The following HIKESHI variants were observed in gnomAD, a reference collection of about 807,000 sequenced individuals.
HIKESHI encodes protein Hikeshi.
HIKESHI carries 13 observed loss-of-function variants against 25.7 expected under a neutral mutation model. That is an observed-to-expected ratio of 0.51 (90% CI 0.33 to 0.80). The LOEUF (loss-of-function observed/expected upper bound fraction) is 0.80. Among genes scored for constraint, HIKESHI ranks in the 30% least tolerant of loss-of-function variants. The probability of loss-of-function intolerance (pLI) is 0.02; values close to 1 mark genes in which losing one functional copy is unlikely to be tolerated. For missense variants in HIKESHI, 174 were observed against 229.5 expected (o/e 0.76, Z 1.56); for synonymous variants, 76 against 78.7 (o/e 0.97, Z 0.18).
In HIKESHI at chr11:86,306,310, T is replaced by C. The variant is rs753818305; in HGVS notation, c.96T>C (p.Ser32=). The C allele has an allele frequency of 6.2e-7, 1 of 1,614,142 alleles. No homozygotes were observed. The highest frequency in any genetic ancestry group is 8.5e-7 in the Non-Finnish European group (1 of 1,180,002). ...KFVFDLPDYE[S]INHVVVFMLG... ...TTTTTGACTTACCTGATTATGAAAG[T>C]ATCAACCATGTTGTGGTTTTTATGC... Residue 32 remains serine (S), a synonymous_variant, in exon 2 of 5, where the codon AGT becomes AGC. Coordinates refer to ENST00000278483, the MANE Select transcript of HIKESHI (RefSeq NM_016401.4).
intron 2 of HIKESHI, among the ~76,000 whole-genome samples, chr11:86,312,298 C>T (rs959608098): frequency 1.2e-4 from 19 of 152,052 alleles, no homozygotes; most frequent in Non-Finnish European, 2.1e-4. Context: ...TGTATTGATC[C>T]CTTTACCATT....
At position 86,345,046 on chromosome 11, in the gene HIKESHI, A is replaced by G. The variant is rs923314768; in HGVS notation, c.539+325A>G. 3.3e-5 allele frequency: 28 copies of G among 848,848 alleles called. No individual in the cohort carries two copies. In the Admixed American group the frequency reaches 1.3e-3, roughly 38 times the overall value. The allele number at this position is 848,848 out of a possible 1,614,324, so 52.6% of individuals were successfully genotyped here. ...GAGAGTAGTTTATACTGCACTGTGT[A>G]CATGAATGGCTAATGAATCTATTTT... is the stretch of plus-strand genomic sequence containing the variant. On this transcript the variant is annotated intron_variant, in intron 4 of 4. Transcript: ENST00000278483.
chr11:86,337,542 T>G lies in HIKESHI; in HGVS notation c.420+12T>G. The G allele has an allele frequency of 6.2e-7, 1 of 1,608,070 alleles. No homozygotes were observed. Among genetic ancestry groups the G allele is most frequent in the Non-Finnish European group, 8.5e-7 (1 of 1,177,704 alleles). The stretch of plus-strand genomic sequence containing the variant: ...ACTCATTCACTCAGGTAATGCAACA[T>G]ACATTTCATTCTTTACCTCCCCCTC... On this transcript the variant is annotated intron_variant, in intron 3 of 4. Coordinates refer to ENST00000278483, the MANE Select transcript of HIKESHI (RefSeq NM_016401.4).
chr11:86,335,553 TA>T (rs1046530058), intron 2 of HIKESHI, among the ~76,000 whole-genome samples: 10 of 152,140 alleles, frequency 6.6e-5, no homozygotes, highest in African/African-American at 2.4e-4. Flanking sequence ...AAGTGAAGAC[TA>T]AGGTGGAGTT....
chr11:86,342,760 C>T (rs932257697), intron 3 of HIKESHI, among the ~76,000 whole-genome samples: 1 of 148,760 alleles, frequency 6.7e-6, no homozygotes, highest in Non-Finnish European at 1.5e-5. Context: ...GCATCTTTGT[C>T]ATATATGCTT....
chr11:86,331,048 C>T (rs1947409090), intron 2 of HIKESHI, among the ~76,000 whole-genome samples: 1 of 152,122 alleles, frequency 6.6e-6, no homozygotes, highest in Non-Finnish European at 1.5e-5. Flanking sequence ...GGAGATAATA[C>T]CTGCAGTGCA....
intron 2 of HIKESHI, among the ~76,000 whole-genome samples, chr11:86,308,265 A>AAATATAT (rs1946727367): frequency 1.2e-5 from 1 of 84,118 alleles, no homozygotes; most frequent in East Asian, 3.5e-4. Flanking sequence ...TACATATAAA[A>AAATATAT]TGTGTATTAT....
At chr11:86,341,735 G>C (rs944287945) in intron 3 of HIKESHI, among the ~76,000 whole-genome samples, 2 of 151,888 alleles carry the variant, frequency 1.3e-5, no homozygotes, top group African/African-American at 4.8e-5. Flanking sequence ...CTATTCTCTG[G>C]ACCTATTGTA....
rs1443735937 is a variant in HIKESHI, at chr11:86,306,373, T to C, written c.159T>C (p.Ser53=). Residue 53 remains serine (S), a synonymous_variant, in exon 2 of 5, where the codon TCT becomes TCC. Coordinates refer to ENST00000278483, the MANE Select transcript of HIKESHI (RefSeq NM_016401.4). ...TIPFPEGMGG[S]VYFSYPDSNG... is the part of the protein sequence containing the mutation. ...CATTTCCTGAGGGAATGGGAGGATC[T>C]GTCTACTTTTCTTATCCTGATTCAA... is the stretch of plus-strand genomic sequence containing the variant. 3 of 1,613,804 alleles carry C rather than the reference T, an allele frequency of 1.9e-6. No homozygotes were observed. In the East Asian group the frequency reaches 6.7e-5, roughly 36 times the overall value.
At chr11:86,316,676 A>G (rs1946987838) in intron 2 of HIKESHI, among the ~76,000 whole-genome samples, 1 of 151,806 alleles carries the variant, frequency 6.6e-6, no homozygotes. Context: ...TAAACTTACC[A>G]GAGAAAACAG....
chr11:86,337,687 T>C (rs139306271), intron 3 of HIKESHI, among the ~76,000 whole-genome samples, 157 bp downstream of exon 3: 4,951 of 152,316 alleles, frequency 0.033, 260 homozygotes, highest in African/African-American at 0.11. Context: ...AGATGGAGTC[T>C]TGCTCTGTTG....
At chr11:86,308,326 ACATATAAAATATATAT>A (rs1330432162) in intron 2 of HIKESHI, among the ~76,000 whole-genome samples, 8 of 68,488 alleles carry the variant, frequency 1.2e-4, no homozygotes, top group South Asian at 5.1e-4. Flanking sequence ...AATATATATT[ACATATAAAATATATAT>A]TATATAAAAT....
At chr11:86,338,184 C>T (rs1168087247) in intron 3 of HIKESHI, among the ~76,000 whole-genome samples, 1 of 152,138 alleles carries the variant, frequency 6.6e-6, no homozygotes, top group African/African-American at 2.4e-5. Flanking sequence ...TTCCCTTCCC[C>T]TCCACTCTTC....
chr11:86,344,071 A>G (rs2138437269), intron 3 of HIKESHI: 1 of 152,344 alleles, frequency 6.6e-6, no homozygotes, highest in African/African-American at 2.4e-5. Context: ...CAATGGAAAT[A>G]ACCAGTTGCT....
chr11:86,337,369 T>C lies in HIKESHI; in HGVS notation c.269-10T>C, dbSNP rs1479145349. The C allele has an allele frequency of 6.2e-7, 1 of 1,609,988 alleles. No homozygotes were observed. Among genetic ancestry groups the C allele is most frequent in the Admixed American group, 1.7e-5 (1 of 59,162 alleles). ...ATTTGAAATGTGTGTCATATGTTAATTTCTTGCAGGAGAAGGAAGCCAACA... is the reference window on the plus strand; with the variant it reads ...ATTTGAAATGTGTGTCATATGTTAACTTCTTGCAGGAGAAGGAAGCCAACA... On this transcript the variant is annotated splice_polypyrimidine_tract_variant and intron_variant, in intron 2 of 4. Transcript: ENST00000278483.
chr11:86,333,067 C>A (rs1247875787), intron 2 of HIKESHI, among the ~76,000 whole-genome samples: 2 of 152,142 alleles, frequency 1.3e-5, no homozygotes, highest in East Asian at 3.8e-4. Flanking sequence ...AGAAGTTTCA[C>A]AATTATTAGA....
At chr11:86,315,665 T>C (rs1946957792) in intron 2 of HIKESHI, among the ~76,000 whole-genome samples, 1 of 152,234 alleles carries the variant, frequency 6.6e-6, no homozygotes, top group Non-Finnish European at 1.5e-5. Context: ...TGAAGAAATA[T>C]ATTTTCAGAT....
At chr11:86,344,244 T>G (rs901912166) in intron 3 of HIKESHI, 3 of 169,728 alleles carry the variant, frequency 1.8e-5, no homozygotes, top group Non-Finnish European at 3.7e-5. Context: ...TGAAGAAAAA[T>G]TTTTTTCTTT....
chr11:86,314,863 G>A (rs893638263), intron 2 of HIKESHI, among the ~76,000 whole-genome samples: 11 of 152,296 alleles, frequency 7.2e-5, no homozygotes, highest in Admixed American at 2.6e-4. Flanking sequence ...TAGAAATGCC[G>A]ATTCCTGGCA....
Sources: allele counts gnomAD v4.1 joint callset (sites outside exome capture counted in the v4.1 genomes callset), GRCh38; gene constraint gnomAD v4.1.1; transcripts MANE v1.5; gene names NCBI Gene and HGNC (gene_info 2026-07-23, HGNC 2026-07-21).